FRMD5: variants seen among roughly 807,000 people sequenced by gnomAD.
The protein encoded by FRMD5 is FERM domain-containing protein 5.
In FRMD5, 20 loss-of-function variants were observed where a neutral mutation model predicts 69.0. That is an observed-to-expected ratio of 0.29 (90% confidence interval 0.20 to 0.42). The LOEUF is 0.42. Among genes scored for constraint, FRMD5 ranks in the 10% least tolerant of loss-of-function variants. FRMD5 has a pLI of 1.00. For missense variants in FRMD5, 595 were observed against 708.6 expected, an observed-to-expected ratio of 0.84 and a Z score of 1.82; for synonymous variants, 271 against 260.1, an observed-to-expected ratio of 1.04 and a Z score of -0.40.
chr15:43,912,463 G>A (rs2089306215), intron 4 of FRMD5, among the ~76,000 whole-genome samples: 1 of 151,944 alleles, frequency 6.6e-6, no homozygotes, highest in Non-Finnish European at 1.5e-5. Context: ...CCTTCCACAG[G>A]CTTCAGCAGG....
At position 44,181,074 on chromosome 15, in the gene FRMD5, C is replaced by CTGTT. The variant is rs141106779; in HGVS notation, c.102+13875_102+13878dup. ...TTTATTTTTAAGACCAGATCTTGGT[C>CTGTT]TGTTGCCCAGGCTAGAGTACAGTGG... On this transcript the variant is annotated intron_variant, in intron 1 of 13. Transcript: ENST00000417257. Among the ~76,000 whole-genome samples the CTGTT allele has an allele frequency of 5.2e-3, 789 of 152,290 alleles. 5 individuals carry two copies. Among genetic ancestry groups the CTGTT allele is most frequent in the South Asian group, 0.024 (117 of 4,830 alleles).
At chr15:43,933,415 C>T (rs964327147) in intron 1 of FRMD5, among the ~76,000 whole-genome samples, 43 of 152,190 alleles carry the variant, frequency 2.8e-4, no homozygotes, top group African/African-American at 1.0e-3. Context: ...TGCTGGGCCC[C>T]GCCCCTAAAG....
intron 1 of FRMD5, among the ~76,000 whole-genome samples, chr15:44,024,487 C>A (rs1312067882): frequency 6.6e-6 from 1 of 152,162 alleles, no homozygotes; most frequent in Non-Finnish European, 1.5e-5. Context: ...TTTTTGCCAA[C>A]ATTACAGGTT....
chr15:43,874,080 A>G lies in FRMD5; in HGVS notation c.1518T>C (p.Leu506=), dbSNP rs751797536. ...AAACAAAGAGGAGTCCCATGGTCAC[A>G]AGGAGCAAACGGAGGACACTTAGAA... The part of the protein sequence containing the change: ...KFVLSVLRLL[L]VTMGLLFVLL... The change falls in exon 14 of 14, where the codon CTT becomes CTC. Residue 506 remains leucine (L), a synonymous_variant. Coordinates refer to ENST00000417257, the MANE Select transcript of FRMD5 (RefSeq NM_032892.5). The G allele has an allele frequency of 6.4e-5, 104 of 1,614,116 alleles. No homozygotes were observed. Among genetic ancestry groups the G allele is most frequent in the Non-Finnish European group, 8.5e-5 (100 of 1,180,036 alleles).
intron 1 of FRMD5, among the ~76,000 whole-genome samples, chr15:44,070,056 T>C (rs902312557): frequency 6.6e-6 from 1 of 152,158 alleles, no homozygotes; most frequent in Non-Finnish European, 1.5e-5. Flanking sequence ...TAATTTAATA[T>C]TACTTCTACC....
intron 1 of FRMD5, among the ~76,000 whole-genome samples, chr15:44,132,328 G>A (rs2077113424): frequency 2.0e-5 from 3 of 152,204 alleles, no homozygotes; most frequent in Admixed American, 2.0e-4. Context: ...TGGCCCGTGG[G>A]TTGGGGGACC....
At position 44,194,989 on chromosome 15, in the gene FRMD5, C is replaced by T; in HGVS notation, c.66G>A (p.Arg22=). The change falls in exon 1 of 14, where the codon CGG becomes CGA. Residue 22 remains arginine, a synonymous_variant. Transcript: ENST00000417257. The part of the protein sequence containing the change: ...SLEREYSCTV[R]LLDDSEYTCT... The stretch of plus-strand genomic sequence containing the variant: ...AGGTGTACTCGCTGTCGTCCAGCAG[C>T]CGCACGGTGCAGCTGTACTCGCGCT... 6.4e-7 allele frequency: 1 copy of T among 1,556,042 alleles called. No individual in the cohort carries two copies. Among genetic ancestry groups the T allele is most frequent in the Non-Finnish European group, 8.7e-7 (1 of 1,155,524 alleles).
intron 1 of FRMD5, among the ~76,000 whole-genome samples, chr15:44,010,073 A>G (rs1890645001): frequency 1.3e-5 from 2 of 152,230 alleles, no homozygotes; most frequent in Non-Finnish European, 2.9e-5. Context: ...CTGGCCATAA[A>G]GAATCATTTC....
At chr15:44,197,655 T>A (rs1465954123), upstream of FRMD5, among the ~76,000 whole-genome samples, 1 of 123,158 alleles carries the variant, frequency 8.1e-6, no homozygotes, top group Non-Finnish European at 1.6e-5. Flanking sequence ...CACTCCAGCC[T>A]GGGAGACAGC....
At chr15:43,966,316 G>A (rs2090294488) in intron 1 of FRMD5, among the ~76,000 whole-genome samples, 1 of 152,144 alleles carries the variant, frequency 6.6e-6, no homozygotes, top group Non-Finnish European at 1.5e-5. Context: ...AGGTTGCAGT[G>A]AGAGGAGATC....
At position 43,881,258 on chromosome 15, in the gene FRMD5, T is replaced by C. The variant is rs1389590672; in HGVS notation, c.1135+2445A>G. ...CCCTCTAGCTTCAGCCTCAGAGGGA[T>C]GGAAAGAAAGGCCACAGAGGGGAGA... On this transcript the variant is annotated intron_variant, in intron 13 of 13. Coordinates refer to ENST00000417257, the MANE Select transcript of FRMD5 (RefSeq NM_032892.5). Among the ~76,000 whole-genome samples the C allele has an allele frequency of 5.3e-5, 8 of 152,060 alleles. No homozygotes were observed. In the East Asian group the frequency reaches 1.5e-3, roughly 29 times the overall value.
chr15:44,150,024 G>A (rs1456057564), intron 1 of FRMD5, among the ~76,000 whole-genome samples: 1 of 151,856 alleles, frequency 6.6e-6, no homozygotes. Context: ...ATCAATCAAC[G>A]CAATATATCA....
chr15:43,874,136 C>A lies in FRMD5; in HGVS notation c.1462G>T (p.Gly488Trp), dbSNP rs748550765. 2 of 1,614,110 alleles carry A rather than the reference C, an allele frequency of 1.2e-6. No individual in the cohort carries two copies. The highest frequency in any genetic ancestry group is 1.7e-6 in the Non-Finnish European group (2 of 1,180,056). The change falls in exon 14 of 14, where the codon GGG (glycine) becomes TGG (tryptophan). Residue 488 changes from glycine to tryptophan, a missense_variant. Gly to Trp is a radical substitution (Grantham distance 184, BLOSUM62 -2). Around this residue, in one of 5 missense-constraint regions of FRMD5, gnomAD observed 245 missense variants for 227.1 expected, o/e 1.08. Coordinates refer to ENST00000417257, the MANE Select transcript of FRMD5 (RefSeq NM_032892.5). ...ELRALCQGHSGPEEEQVNKFV... is the reference protein window; with the variant it reads ...ELRALCQGHSWPEEEQVNKFV... ...TTATTCACCTGTTCCTCCTCGGGCC[C>A]GCTGTGCCCCTGACACAGGGCCCTC...
At position 43,909,976 on chromosome 15, in the gene FRMD5, A is replaced by G; in HGVS notation, c.333T>C (p.Tyr111=). 1.3e-6 allele frequency: 2 copies of G among 1,563,222 alleles called. No individual in the cohort carries two copies. Among genetic ancestry groups the G allele is most frequent in the South Asian group, 2.2e-5 (2 of 89,864 alleles). ...CCCTTTTGATCTGCAGGAAGACTAA[A>G]TACCTGGAGAGAAAACAGAGAATAA... The part of the protein sequence containing the change: ...PAALKEEITR[Y]LVFLQIKRDL... Residue 111 remains tyrosine (Y), a synonymous_variant, in exon 5 of 14, where the codon TAT becomes TAC. Transcript: ENST00000417257.
intron 1 of FRMD5, among the ~76,000 whole-genome samples, chr15:44,129,595 C>G (rs1191459807): frequency 6.6e-6 from 1 of 152,028 alleles, no homozygotes; most frequent in East Asian, 1.9e-4. Context: ...GATATTAGAA[C>G]TCAGTTTCTG....
At chr15:43,969,746 G>A (rs1176286885) in intron 1 of FRMD5, among the ~76,000 whole-genome samples, 1 of 152,174 alleles carries the variant, frequency 6.6e-6, no homozygotes, top group Non-Finnish European at 1.5e-5. Context: ...TTGCCAGACA[G>A]AACATACGCC....
At chr15:43,942,508 GGGTTTTATAACCCTCTTCTC>G (rs2140490509) in intron 1 of FRMD5, among the ~76,000 whole-genome samples, 1 of 152,270 alleles carries the variant, frequency 6.6e-6, no homozygotes. Flanking sequence ...ATTTTGTGGA[GGGTTTTATAACCCTCTTCTC>G]CCAAAAAATG....
At chr15:44,069,718 G>A (rs1468426927) in intron 1 of FRMD5, among the ~76,000 whole-genome samples, 1 of 152,090 alleles carries the variant, frequency 6.6e-6, no homozygotes, top group African/African-American at 2.4e-5. Context: ...TGACGGAAAT[G>A]TTCTACATCC....
Position 44,195,059 on chromosome 15 carries a change from C to A in FRMD5, c.-5G>T. 6.7e-7 allele frequency: 1 copy of A among 1,489,220 alleles called. No individual in the cohort carries two copies. Among genetic ancestry groups the A allele is most frequent in the Non-Finnish European group, 8.9e-7 (1 of 1,117,372 alleles). The allele number at this position is 1,489,220 out of a possible 1,614,324, so 92.3% of individuals were successfully genotyped here. On this transcript the variant is annotated 5_prime_UTR_variant, in exon 1 of 14. Transcript: ENST00000417257. ...GCTCATCAACCTGCTCAGCATCTTCCCGCCCGCCCGCCCGGGAGCGACGCG... is the reference window on the plus strand; with the variant it reads ...GCTCATCAACCTGCTCAGCATCTTCACGCCCGCCCGCCCGGGAGCGACGCG...
Sources: gnomAD v4.1 joint callset for allele counts (sites outside exome capture counted in the v4.1 genomes callset) on GRCh38, gnomAD v4.1.1 for gene constraint, gnomAD v4.1.1 regional missense constraint, MANE v1.5 for transcripts, NCBI Gene and HGNC (gene_info 2026-07-23, HGNC 2026-07-21) for gene names.